NKAIN2: variants seen among roughly 807,000 people sequenced by gnomAD.
NKAIN2 encodes the protein sodium/potassium-transporting ATPase subunit beta-1-interacting protein 2.
NKAIN2 carries 14 observed loss-of-function variants against 32.6 expected under a neutral mutation model. The observed-to-expected ratio is 0.43, with a 90% CI of 0.28 to 0.67. NKAIN2 has a LOEUF of 0.67. Among genes scored for constraint, NKAIN2 ranks in the 30% least tolerant of loss-of-function variants. The pLI is 0.17. For missense variants in NKAIN2, 198 were observed against 258.3 expected (o/e 0.77, Z 1.60); for synonymous variants, 80 against 87.2 (o/e 0.92, Z 0.46).
At chr6:124,784,546 G>T (rs1184752405) in intron 4 of NKAIN2, among the ~76,000 whole-genome samples, 1 of 152,012 alleles carries the variant, frequency 6.6e-6, no homozygotes, top group Non-Finnish European at 1.5e-5. Context: ...GCAGGCTGTT[G>T]CATGTATCAG....
At chr6:124,070,053 C>T (rs565589651) in intron 1 of NKAIN2, among the ~76,000 whole-genome samples, 14 of 152,320 alleles carry the variant, frequency 9.2e-5, no homozygotes, top group African/African-American at 3.4e-4. Flanking sequence ...TCTCTACATA[C>T]ATTGTACCTT....
At chr6:123,935,444 C>A (rs1200971432) in intron 1 of NKAIN2, among the ~76,000 whole-genome samples, 1 of 151,666 alleles carries the variant, frequency 6.6e-6, no homozygotes, top group African/African-American at 2.4e-5. Context: ...TAATTAACAT[C>A]ATCACTTTTT....
chr6:124,103,905 G>A (rs572705940), intron 1 of NKAIN2, among the ~76,000 whole-genome samples: 42 of 152,116 alleles, frequency 2.8e-4, no homozygotes, highest in African/African-American at 9.9e-4. Flanking sequence ...GGCTAACACG[G>A]TGAAACCCCG....
intron 1 of NKAIN2, among the ~76,000 whole-genome samples, chr6:124,116,658 G>A (rs1243218758): frequency 6.6e-6 from 1 of 152,010 alleles, no homozygotes; most frequent in Non-Finnish European, 1.5e-5. Context: ...AGTAAATTTA[G>A]TGGAGAGCAA....
intron 1 of NKAIN2, among the ~76,000 whole-genome samples, chr6:123,910,536 G>A (rs1287718176): frequency 9.7e-6 from 1 of 103,036 alleles, no homozygotes; most frequent in East Asian, 2.8e-4. Context: ...ATGGGGTCTC[G>A]CTCTTTCACC....
intron 1 of NKAIN2, among the ~76,000 whole-genome samples, chr6:124,107,177 T>G (rs1269694681): frequency 6.6e-6 from 1 of 152,138 alleles, no homozygotes; most frequent in African/African-American, 2.4e-5. Context: ...TGACTGGAGC[T>G]AAGTAAGCCA....
chr6:124,171,711 C>T (rs920352300), intron 1 of NKAIN2, among the ~76,000 whole-genome samples: 5 of 151,716 alleles, frequency 3.3e-5, no homozygotes, highest in South Asian at 2.1e-4. Flanking sequence ...CTGCCACGCC[C>T]GGCTAATTTT....
chr6:123,886,811 T>C (rs1425868076), intron 1 of NKAIN2, among the ~76,000 whole-genome samples: 1 of 152,146 alleles, frequency 6.6e-6, no homozygotes, highest in Non-Finnish European at 1.5e-5. Flanking sequence ...CTCAATTGAC[T>C]GTATTGATAA....
At chr6:123,928,066 C>G (rs138087829) in intron 1 of NKAIN2, among the ~76,000 whole-genome samples, 1 of 152,124 alleles carries the variant, frequency 6.6e-6, no homozygotes, top group East Asian at 1.9e-4. Flanking sequence ...ACTATGCAGC[C>G]ACAAAAAAGC....
chr6:124,214,725 AC>A (rs1791377501), intron 1 of NKAIN2, among the ~76,000 whole-genome samples: 2 of 151,986 alleles, frequency 1.3e-5, no homozygotes, highest in African/African-American at 2.4e-5. Context: ...AAACAAACAA[AC>A]CTTGTACACG....
intron 3 of NKAIN2, among the ~76,000 whole-genome samples, chr6:124,412,023 C>T (rs552647917): frequency 6.6e-6 from 1 of 152,316 alleles, no homozygotes; most frequent in South Asian, 2.1e-4. Context: ...CCGTGGTTTT[C>T]AGCTCCATCA....
At chr6:124,294,812 A>G (rs1795979253) in intron 2 of NKAIN2, among the ~76,000 whole-genome samples, 1 of 152,130 alleles carries the variant, frequency 6.6e-6, no homozygotes, top group Non-Finnish European at 1.5e-5. Flanking sequence ...CTCCATGCCC[A>G]GTAAGATGTT....
intron 1 of NKAIN2, among the ~76,000 whole-genome samples, chr6:123,828,169 T>C (rs748171115): frequency 5.3e-5 from 8 of 152,114 alleles, no homozygotes; most frequent in Non-Finnish European, 5.9e-5. Context: ...CACATAGTCC[T>C]TAGGCTTATC....
chr6:123,890,400 T>G (rs1246070362), intron 1 of NKAIN2, among the ~76,000 whole-genome samples: 1 of 151,984 alleles, frequency 6.6e-6, no homozygotes, highest in Non-Finnish European at 1.5e-5. Flanking sequence ...ACATCTTTCC[T>G]TTTGTCTGAT....
At chr6:124,515,708 T>TTTTTCCC (rs1562232371) in intron 3 of NKAIN2, among the ~76,000 whole-genome samples, 4 of 3,442 alleles carry the variant, frequency 1.2e-3, no homozygotes, top group East Asian at 0.5. Context: ...TTTTCTTCGC[T>TTTTTCCC]TTCTCTCCGT....
chr6:124,460,456 T>C (rs996179975), intron 3 of NKAIN2, among the ~76,000 whole-genome samples: 3 of 150,368 alleles, frequency 2.0e-5, no homozygotes, highest in African/African-American at 7.4e-5. Context: ...TCTTTGAAAA[T>C]GTCTTTAGTT....
intron 1 of NKAIN2, among the ~76,000 whole-genome samples, chr6:124,067,449 A>T (rs1443221979): frequency 6.6e-6 from 1 of 152,020 alleles, no homozygotes; most frequent in African/African-American, 2.4e-5. Context: ...ATAGCACCTC[A>T]CTTGGACGGA....
chr6:124,632,225 C>T (rs983028477), intron 3 of NKAIN2, among the ~76,000 whole-genome samples: 3 of 151,950 alleles, frequency 2.0e-5, no homozygotes, highest in Non-Finnish European at 2.9e-5. Flanking sequence ...ACTTTCTATA[C>T]GCTTAAGGCA....
intron 1 of NKAIN2, among the ~76,000 whole-genome samples, chr6:124,019,128 G>A (rs1458393330): frequency 2.0e-5 from 3 of 152,106 alleles, no homozygotes; most frequent in African/African-American, 7.2e-5. Flanking sequence ...CATGAGAACA[G>A]CATGGGAAAG....
Sources: gnomAD v4.1 joint callset for allele counts (sites outside exome capture counted in the v4.1 genomes callset) on GRCh38, gnomAD v4.1.1 for gene constraint, MANE v1.5 for transcripts, NCBI Gene and HGNC (gene_info 2026-07-23, HGNC 2026-07-21) for gene names.